The following IL1RAPL2 variants were observed in gnomAD, a reference collection of about 807,000 sequenced individuals.
The protein encoded by IL1RAPL2 is X-linked interleukin-1 receptor accessory protein-like 2.
IL1RAPL2 carries 3 observed loss-of-function variants against 44.1 expected under a neutral mutation model. That is an observed-to-expected ratio of 0.07 (90% CI 0.03 to 0.18). IL1RAPL2 has a LOEUF of 0.18. IL1RAPL2 is among the 10% of genes least tolerant of loss of function. The pLI is 1.00. For synonymous variants in IL1RAPL2, 181 were observed against 178.8 expected (o/e 1.01, Z -0.10); for missense variants, 391 against 496.4 (o/e 0.79, Z 2.02).
intron 2 of IL1RAPL2, among the ~76,000 whole-genome samples, chrX:104,836,524 C>A (rs1921745489): frequency 9.2e-6 from 1 of 108,912 alleles, no homozygotes; most frequent in Non-Finnish European, 1.9e-5. Context: ...TCTCATGTAC[C>A]CCATAAATAT....
chrX:104,892,347 T>C (rs1191191711), intron 2 of IL1RAPL2, among the ~76,000 whole-genome samples: 1 of 111,884 alleles, frequency 8.9e-6, no homozygotes, highest in Non-Finnish European at 1.9e-5. Flanking sequence ...TTTCTATTGA[T>C]TGGAATCATT....
intron 2 of IL1RAPL2, among the ~76,000 whole-genome samples, chrX:104,831,635 G>A (rs1921610135): frequency 9.0e-6 from 1 of 111,584 alleles, no homozygotes; most frequent in South Asian, 3.7e-4. Context: ...TTTGGCTACA[G>A]CTATCATTAT....
chrX:104,780,646 A>T (rs1200151568), intron 2 of IL1RAPL2, among the ~76,000 whole-genome samples: 1 of 111,946 alleles, frequency 8.9e-6, no homozygotes, highest in Non-Finnish European at 1.9e-5. Context: ...GCAAAAATAA[A>T]AAATAATAAT....
intron 6 of IL1RAPL2, among the ~76,000 whole-genome samples, chrX:105,695,263 A>T (rs1328267410): frequency 6.2e-5 from 7 of 112,220 alleles, no homozygotes; most frequent in African/African-American, 2.3e-4. Flanking sequence ...ATCAATGGAT[A>T]CATGAGGTAG....
chrX:104,734,185 A>G (rs1219265109), intron 2 of IL1RAPL2, among the ~76,000 whole-genome samples: 1 of 112,473 alleles, frequency 8.9e-6, no homozygotes, highest in Non-Finnish European at 1.9e-5. Flanking sequence ...TGAAATTTGC[A>G]TACATTTTCA....
chrX:105,380,353 G>A (rs1479449678), intron 5 of IL1RAPL2, among the ~76,000 whole-genome samples: 2 of 111,591 alleles, frequency 1.8e-5, no homozygotes, highest in Non-Finnish European at 3.8e-5. Context: ...GGAAAAGGGG[G>A]TTTAAGGGGC....
intron 5 of IL1RAPL2, among the ~76,000 whole-genome samples, chrX:105,422,929 GACA>G (rs1361642122): frequency 9.0e-6 from 1 of 111,047 alleles, no homozygotes; most frequent in Non-Finnish European, 1.9e-5. Context: ...ACCAAAACAA[GACA>G]ACAATTGTCT....
chrX:104,574,906 A>C (rs762494212), intron 1 of IL1RAPL2, among the ~76,000 whole-genome samples: 20 of 112,170 alleles, frequency 1.8e-4, no homozygotes, highest in Non-Finnish European at 3.8e-4. Flanking sequence ...ATTATAGGTG[A>C]AAAGACTGAA....
intron 6 of IL1RAPL2, among the ~76,000 whole-genome samples, chrX:105,564,803 C>T (rs148860532): frequency 0.047 from 5,250 of 111,681 alleles, 119 homozygotes; most frequent in Non-Finnish European, 0.075. Context: ...GAAAATATGC[C>T]TCTCACCCCA....
intron 2 of IL1RAPL2, among the ~76,000 whole-genome samples, chrX:104,735,216 A>G (rs1185250851): frequency 1.8e-5 from 2 of 111,802 alleles, no homozygotes; most frequent in African/African-American, 3.2e-5. Flanking sequence ...GTGGCTCTCA[A>G]TGGAAATTCC....
intron 4 of IL1RAPL2, among the ~76,000 whole-genome samples, chrX:105,247,063 T>A (rs992041904): frequency 7.2e-5 from 8 of 111,427 alleles, no homozygotes; most frequent in African/African-American, 2.6e-4. Flanking sequence ...ATATATTTTT[T>A]ATCTAAAGAT....
At chrX:104,906,161 T>A (rs1345255201) in intron 2 of IL1RAPL2, among the ~76,000 whole-genome samples, 1 of 111,375 alleles carries the variant, frequency 9.0e-6, no homozygotes, top group Non-Finnish European at 1.9e-5. Context: ...TTTTGTATCC[T>A]GAGACTTTGC....
intron 5 of IL1RAPL2, among the ~76,000 whole-genome samples, chrX:105,481,614 A>G (rs184014990): frequency 3.2e-3 from 355 of 112,362 alleles, no homozygotes; most frequent in Non-Finnish European, 5.6e-3. Context: ...CCCACCTATC[A>G]CATTCCAGTT....
chrX:105,556,297 T>G (rs1261922258), intron 6 of IL1RAPL2, among the ~76,000 whole-genome samples: 1 of 111,827 alleles, frequency 8.9e-6, no homozygotes, highest in Non-Finnish European at 1.9e-5. Flanking sequence ...AAATGACTTA[T>G]TTACCCACAA....
At chrX:105,164,104 AAAC>A (rs1488747903) in intron 2 of IL1RAPL2, among the ~76,000 whole-genome samples, 2 of 111,149 alleles carry the variant, frequency 1.8e-5, no homozygotes, top group African/African-American at 6.5e-5. Context: ...GAAAAAAAAA[AAAC>A]AAGCAGAAAT....
intron 7 of IL1RAPL2, among the ~76,000 whole-genome samples, chrX:105,729,775 A>C (rs1017404357): frequency 9.2e-6 from 1 of 109,171 alleles, no homozygotes; most frequent in South Asian, 3.9e-4. Flanking sequence ...ATCAGCAAAC[A>C]CACAAATGAG....
intron 2 of IL1RAPL2, among the ~76,000 whole-genome samples, chrX:105,123,965 C>T (rs1016088510): frequency 3.6e-5 from 4 of 110,792 alleles, no homozygotes; most frequent in Admixed American, 1.9e-4. Context: ...TGCTATAATC[C>T]ATTATGGTTC....
intron 9 of IL1RAPL2, among the ~76,000 whole-genome samples, chrX:105,754,444 C>T (rs1193418697): frequency 8.9e-6 from 1 of 112,224 alleles, no homozygotes; most frequent in Non-Finnish European, 1.9e-5. Flanking sequence ...ACTTGCAAAG[C>T]ACAGTTAACT....
At chrX:105,600,625 A>C (rs1294399630) in intron 6 of IL1RAPL2, among the ~76,000 whole-genome samples, 1 of 108,176 alleles carries the variant, frequency 9.2e-6, no homozygotes, top group Non-Finnish European at 1.9e-5. Flanking sequence ...TAATTTTATA[A>C]ATATTTTATA....
Sources: allele counts gnomAD v4.1 joint callset (sites outside exome capture counted in the v4.1 genomes callset), GRCh38; gene constraint gnomAD v4.1.1; transcripts MANE v1.5; gene names NCBI Gene and HGNC (gene_info 2026-07-23, HGNC 2026-07-21).